Variants in MAGI2 observed in about 807,000 individuals in gnomAD.
The protein encoded by MAGI2 is membrane-associated guanylate kinase, WW and PDZ domain-containing protein 2.
MAGI2 carries 35 observed loss-of-function variants against 133.3 expected under a neutral mutation model. The observed-to-expected ratio is 0.26, with a 90% CI of 0.20 to 0.35. The LOEUF (loss-of-function observed/expected upper bound fraction) is 0.35. MAGI2 is among the 10% of genes least tolerant of loss of function. The pLI, the probability that MAGI2 is intolerant of heterozygous loss-of-function variation, is 1.00. For missense variants in MAGI2, 1,636 were observed against 1,863.4 expected (o/e 0.88, Z 2.25); for synonymous variants, 729 against 710.6 (o/e 1.03, Z -0.41).
At chr7:78,845,724 G>T (rs1792539085) in intron 2 of MAGI2, among the ~76,000 whole-genome samples, 1 of 151,920 alleles carries the variant, frequency 6.6e-6, no homozygotes, top group South Asian at 2.1e-4. Context: ...GTTAAACACA[G>T]AGTTTGAACA....
At chr7:78,607,042 T>C (rs1208997337) in intron 3 of MAGI2, among the ~76,000 whole-genome samples, 7 of 152,214 alleles carry the variant, frequency 4.6e-5, no homozygotes, top group African/African-American at 7.2e-5. Context: ...CCAAACTCCA[T>C]TGCTTTTTAA....
intron 2 of MAGI2, among the ~76,000 whole-genome samples, chr7:78,895,839 T>A (rs1054671898): frequency 6.6e-6 from 1 of 152,202 alleles, no homozygotes; most frequent in Non-Finnish European, 1.5e-5. Context: ...AAAAAGGGTG[T>A]TCAAAGTTAA....
rs1048329621 is a variant in MAGI2, at chr7:78,489,803, G to T, written c.1003C>A (p.Leu335Ile). 3.0e-5 allele frequency: 49 copies of T among 1,612,730 alleles called. No individual in the cohort carries two copies. Among genetic ancestry groups the T allele is most frequent in the Non-Finnish European group, 4.2e-5 (49 of 1,179,304 alleles). The change falls in exon 6 of 22, where the codon CTT (leucine) becomes ATT (isoleucine). Residue 335 changes from leucine (L) to isoleucine (I), a missense_variant. This residue lies in a region of MAGI2 where 920 missense variants were observed against 1,093.5 expected (regional missense o/e 0.84). Transcript: ENST00000354212. ...TCTGGAGGTTTAGCCTTTTTCGCAA[G>T]TCGTGGATCCAGCCATGATGTTGTC... ...TKTTSWLDPR[L>I]AKKAKPPEEC... is the part of the protein sequence containing the mutation.
intron 1 of MAGI2, among the ~76,000 whole-genome samples, chr7:79,222,996 T>G (rs1044504175): frequency 2.0e-5 from 3 of 152,060 alleles, no homozygotes; most frequent in African/African-American, 4.8e-5. Context: ...GCCATTCTCC[T>G]GCCTCTGCCT....
chr7:78,440,927 T>A (rs1350273583), intron 6 of MAGI2, among the ~76,000 whole-genome samples: 1 of 152,080 alleles, frequency 6.6e-6, no homozygotes, highest in Non-Finnish European at 1.5e-5. Context: ...CACTCCCACC[T>A]GGCAACAGAG....
chr7:78,645,438 G>A (rs992127293), intron 2 of MAGI2, among the ~76,000 whole-genome samples: 1 of 152,102 alleles, frequency 6.6e-6, no homozygotes, highest in Non-Finnish European at 1.5e-5. Context: ...GGAACAATAT[G>A]TAAAAAGGAC....
intron 6 of MAGI2, among the ~76,000 whole-genome samples, chr7:78,441,559 A>C (rs1270856349): frequency 6.6e-6 from 1 of 152,090 alleles, no homozygotes; most frequent in African/African-American, 2.4e-5. Context: ...ATCTGTGATT[A>C]GTTTACAGCT....
At chr7:78,027,510 C>T (rs1230831019) in intron 21 of MAGI2, among the ~76,000 whole-genome samples, 1 of 151,936 alleles carries the variant, frequency 6.6e-6, no homozygotes, top group African/African-American at 2.4e-5. Context: ...TGCCTGTAAT[C>T]CCAGCTACTC....
intron 9 of MAGI2, among the ~76,000 whole-genome samples, chr7:78,266,670 C>T (rs544753746): frequency 5.6e-4 from 85 of 151,870 alleles, no homozygotes; most frequent in African/African-American, 1.9e-3. Flanking sequence ...CTCCACCTCC[C>T]GGGTTCAAGC....
intron 5 of MAGI2, among the ~76,000 whole-genome samples, chr7:78,498,635 G>C (rs1794342704): frequency 6.6e-6 from 1 of 152,104 alleles, no homozygotes; most frequent in Non-Finnish European, 1.5e-5. Flanking sequence ...GGACATGAAG[G>C]ACCAGACAAA....
intron 2 of MAGI2, among the ~76,000 whole-genome samples, chr7:78,698,985 A>C (rs11760430): frequency 0.05 from 7,593 of 152,276 alleles, 276 homozygotes; most frequent in Non-Finnish European, 0.077. Context: ...CTTTACATAC[A>C]ATATACTTTT....
At chr7:78,524,950 GT>G (rs72412091) in intron 3 of MAGI2, among the ~76,000 whole-genome samples, 17 of 151,464 alleles carry the variant, frequency 1.1e-4, no homozygotes, top group Non-Finnish European at 2.4e-4. Flanking sequence ...ACACTTCAGT[GT>G]TTTTTTTCCC....
intron 2 of MAGI2, among the ~76,000 whole-genome samples, chr7:78,985,867 G>A (rs1805208876): frequency 6.6e-6 from 1 of 151,974 alleles, no homozygotes; most frequent in Non-Finnish European, 1.5e-5. Flanking sequence ...ATTTAATTCT[G>A]ATTTGTAGAA....
Position 78,978,077 on chromosome 7 carries a change from T to C in MAGI2, c.418+29013A>G, listed in dbSNP as rs534233026. 2.0e-5 allele frequency among the ~76,000 whole-genome samples: 3 copies of C among 151,850 alleles called. No homozygotes were observed. In the East Asian group the frequency reaches 5.9e-4, roughly 30 times the overall value. On this transcript the variant is annotated intron_variant, in intron 2 of 21. Transcript: ENST00000354212. ...TAACACTCATTCATTGCTGGAGTAA[T>C]AAAAAATAATACGGCCACTTTGGAA...
intron 1 of MAGI2, among the ~76,000 whole-genome samples, chr7:79,193,987 G>A (rs1210355757): frequency 2.0e-5 from 3 of 151,826 alleles, no homozygotes; most frequent in Admixed American, 6.6e-5. Flanking sequence ...TTGTTTGCTT[G>A]TTTTCCAATT....
intron 9 of MAGI2, among the ~76,000 whole-genome samples, chr7:78,293,719 A>C (rs2151049260): frequency 6.6e-6 from 1 of 152,310 alleles, no homozygotes; most frequent in South Asian, 2.1e-4. Flanking sequence ...GATTAAGAAA[A>C]TGTGGCACAT....
intron 2 of MAGI2, among the ~76,000 whole-genome samples, chr7:78,931,442 C>T (rs1468448623): frequency 6.6e-6 from 1 of 152,078 alleles, no homozygotes; most frequent in East Asian, 1.9e-4. Context: ...TTGGCCCTGC[C>T]CGCTTCCTTT....
At chr7:78,687,399 G>T (rs989547618) in intron 2 of MAGI2, among the ~76,000 whole-genome samples, 3 of 152,118 alleles carry the variant, frequency 2.0e-5, no homozygotes, top group Non-Finnish European at 2.9e-5. Flanking sequence ...GTTGTTACAG[G>T]ATTCATAATG....
intron 16 of MAGI2, among the ~76,000 whole-genome samples, chr7:78,156,638 T>A (rs1225945245): frequency 1.3e-5 from 2 of 152,056 alleles, no homozygotes; most frequent in Non-Finnish European, 2.9e-5. Context: ...AGAGGTCATG[T>A]AACTTCCTCA....
Sources: gnomAD v4.1 joint callset for allele counts (sites outside exome capture counted in the v4.1 genomes callset) on GRCh38, gnomAD v4.1.1 for gene constraint, gnomAD v4.1.1 regional missense constraint, MANE v1.5 for transcripts, NCBI Gene and HGNC (gene_info 2026-07-23, HGNC 2026-07-21) for gene names.